Variants in RBM26 observed in about 807,000 individuals in gnomAD.
RBM26 encodes the protein RNA binding motif protein 26.
RBM26 carries 30 observed loss-of-function variants against 123.6 expected under a neutral mutation model. That is an observed-to-expected ratio of 0.24 (90% CI 0.18 to 0.33). The LOEUF is 0.33. Ranked by LOEUF, RBM26 falls within the 10% of genes least tolerant of loss-of-function variation. The probability of loss-of-function intolerance (pLI) is 1.00; values close to 1 mark genes in which losing one functional copy is unlikely to be tolerated. For missense variants in RBM26, 947 were observed against 1,203.6 expected, an observed-to-expected ratio of 0.79 and a Z score of 3.15; for synonymous variants, 400 against 404.4, an observed-to-expected ratio of 0.99 and a Z score of 0.13.
chr13:79,390,004 T>C (rs778512627), intron 1 of RBM26, among the ~76,000 whole-genome samples: 8 of 152,130 alleles, frequency 5.3e-5, no homozygotes, highest in Non-Finnish European at 1.2e-4. Flanking sequence ...TGATTCTATC[T>C]ATGAAAAAAA....
chr13:79,327,532 G>GT (rs147820176), intron 20 of RBM26, among the ~76,000 whole-genome samples: 9,003 of 151,968 alleles, frequency 0.059, 521 homozygotes, highest in African/African-American at 0.15. Flanking sequence ...GTAAAACTAT[G>GT]TTTAACCAAA....
At chr13:79,379,935 A>G (rs2076951691) in intron 1 of RBM26, among the ~76,000 whole-genome samples, 2 of 152,242 alleles carry the variant, frequency 1.3e-5, no homozygotes. Context: ...AGTTACACTG[A>G]AATATTTTTC....
intron 14 of RBM26, among the ~76,000 whole-genome samples, chr13:79,345,852 A>G (rs986020993): frequency 1.3e-5 from 2 of 149,756 alleles, no homozygotes; most frequent in Non-Finnish European, 3.0e-5. Flanking sequence ...GGTCAGCTCA[A>G]AAAAAAAAAG....
At chr13:79,383,737 C>T (rs542779463) in intron 1 of RBM26, among the ~76,000 whole-genome samples, 28 of 151,992 alleles carry the variant, frequency 1.8e-4, no homozygotes, top group South Asian at 8.3e-4. Flanking sequence ...CATGTAGACA[C>T]GTGCTCTGAG....
intron 11 of RBM26, among the ~76,000 whole-genome samples, chr13:79,356,369 C>CAAAAAA (rs72305160): frequency 3.6e-5 from 3 of 83,480 alleles, no homozygotes; most frequent in East Asian, 2.9e-4. Context: ...GACTCTGTCT[C>CAAAAAA]AAAAAAAAAA....
At chr13:79,322,529 A>AG in intron 20 of RBM26, 67 bp from the exon 21 acceptor site, 1 of 1,007,150 alleles carries the variant, frequency 9.9e-7, no homozygotes, top group South Asian at 1.7e-5. Context: ...TAAATGTCAT[A>AG]GTGCCTAACA....
intron 3 of RBM26, among the ~76,000 whole-genome samples, chr13:79,373,714 TTA>T (rs2076378396): frequency 5.5e-5 from 3 of 54,724 alleles, no homozygotes; most frequent in Non-Finnish European, 5.3e-5. Context: ...TATATATATA[TTA>T]CTATATATAA....
chr13:79,365,928 C>T (rs2075220941), intron 8 of RBM26, 127 bp downstream of exon 8: 1 of 1,008,518 alleles, frequency 9.9e-7, no homozygotes, highest in Non-Finnish European at 1.5e-6. Flanking sequence ...ATTTAATGTT[C>T]ATTCACCACG....
chr13:79,320,370 G>T lies in RBM26; in HGVS notation c.*251C>A. On this transcript the variant is annotated 3_prime_UTR_variant, in exon 22 of 22. Coordinates refer to ENST00000438737, the MANE Select transcript of RBM26 (RefSeq NM_001366735.2). ...AAGAATTCTGTGATGTCCAGTAGAA[G>T]TATGTAATAAAAACATTGCATATGT... The T allele has an allele frequency of 2.7e-6, 3 of 1,095,180 alleles. No individual in the cohort carries two copies. The highest frequency in any genetic ancestry group is 3.3e-6 in the Non-Finnish European group (3 of 899,432). 67.8% of individuals were successfully genotyped at this position (1,095,180 alleles called of 1,614,324 possible). A position where few individuals can be genotyped will look rare whatever the true frequency, so the allele number is the denominator to read the frequency against.
At chr13:79,317,631 T>G (rs2067273192), downstream of RBM26, among the ~76,000 whole-genome samples, 1 of 151,746 alleles carries the variant, frequency 6.6e-6, no homozygotes, top group Non-Finnish European at 1.5e-5. Flanking sequence ...AAACCAAAAG[T>G]GTATTTTACC....
Position 79,337,311 on chromosome 13 carries a change from G to C in RBM26, c.2533-9C>G, listed in dbSNP as rs754954218. 8.7e-6 allele frequency: 14 copies of C among 1,613,896 alleles called. No homozygotes were observed. Among genetic ancestry groups the C allele is most frequent in the Non-Finnish European group, 1.2e-5 (14 of 1,179,976 alleles). ...ATCCCTCGTTTGGCAGCCTAGAAGA[G>C]ATTAGACACACAGGTTAAACAATGC... is the stretch of plus-strand genomic sequence containing the variant. On this transcript the variant is annotated splice_polypyrimidine_tract_variant and intron_variant, in intron 18 of 21. Coordinates refer to ENST00000438737, the MANE Select transcript of RBM26 (RefSeq NM_001366735.2).
downstream of RBM26, among the ~76,000 whole-genome samples, chr13:79,317,022 T>C (rs1445655744): frequency 6.6e-6 from 1 of 151,690 alleles, no homozygotes; most frequent in Non-Finnish European, 1.5e-5. Flanking sequence ...GAAAGGACAA[T>C]TTAAATCCAT....
rs1032154653 is a variant in RBM26, at chr13:79,372,644, C to T, written c.328-714G>A. Among the ~76,000 whole-genome samples the T allele has an allele frequency of 4.1e-5, 6 of 148,060 alleles. No homozygotes were observed. In the Admixed American group the frequency reaches 4.1e-4, roughly 10 times the overall value. On this transcript the variant is annotated intron_variant, in intron 3 of 21. Coordinates refer to ENST00000438737, the MANE Select transcript of RBM26 (RefSeq NM_001366735.2). ...ACACATCAAGGAATATAGGAGAATA[C>T]ATTAGAACTCACCAAGTCATAAATA... is the stretch of plus-strand genomic sequence containing the variant.
chr13:79,382,059 G>A (rs1404499451), intron 1 of RBM26, among the ~76,000 whole-genome samples: 1 of 151,980 alleles, frequency 6.6e-6, no homozygotes, highest in Non-Finnish European at 1.5e-5. Context: ...ATGGACCACA[G>A]AAATTTAATA....
intron 16 of RBM26, 130 bp downstream of exon 16, chr13:79,344,118 T>C (rs922582594): frequency 1.4e-6 from 1 of 709,370 alleles, no homozygotes; most frequent in African/African-American, 1.8e-5. Context: ...TCTCCAATAT[T>C]ATCACTGACA....
intron 6 of RBM26, among the ~76,000 whole-genome samples, chr13:79,367,819 G>A (rs968942605): frequency 6.6e-6 from 1 of 151,600 alleles, no homozygotes. Context: ...TTAAACTAAC[G>A]TATACATACT....
intron 16 of RBM26, 120 bp from the exon 17 acceptor site, chr13:79,342,951 G>A (rs1210183179): frequency 8.2e-6 from 5 of 610,002 alleles, no homozygotes; most frequent in Non-Finnish European, 1.4e-5. Context: ...ATGCATTCGT[G>A]AGAAGGCTAA....
intron 1 of RBM26, among the ~76,000 whole-genome samples, chr13:79,391,985 TGCA>T (rs2078041936): frequency 8.2e-6 from 1 of 122,390 alleles, no homozygotes; most frequent in Non-Finnish European, 1.6e-5. Flanking sequence ...TTATATATTA[TGCA>T]ATACATTATT....
In RBM26 at chr13:79,337,121, T is replaced by A; in HGVS notation, c.2714A>T (p.Asp905Val). ...AAGTACCGCAAAATGAGGAAGAAGATCTTCTCTATCGCTCTCCGTAAATGC... is the reference window on the plus strand; with the variant it reads ...AAGTACCGCAAAATGAGGAAGAAGAACTTCTCTATCGCTCTCCGTAAATGC... ...ISAFTESDRE[D>V]LLPHFAQYGE... Residue 905 changes from aspartate (D) to valine (V), a missense_variant, in exon 19 of 22, where the codon GAT becomes GTT. This residue lies in a region of RBM26 where 164 missense variants were observed against 215.3 expected (regional missense o/e 0.76). Transcript: ENST00000438737. 6.2e-7 allele frequency: 1 copy of A among 1,614,014 alleles called. No homozygotes were observed. Among genetic ancestry groups the A allele is most frequent in the Non-Finnish European group, 8.5e-7 (1 of 1,179,956 alleles).
Sources: allele counts gnomAD v4.1 joint callset (sites outside exome capture counted in the v4.1 genomes callset), GRCh38; gene constraint gnomAD v4.1.1; regional missense constraint gnomAD v4.1.1; transcripts MANE v1.5; gene names NCBI Gene and HGNC (gene_info 2026-07-23, HGNC 2026-07-21).